The following SBNO1 variants were observed in gnomAD, a reference collection of about 807,000 sequenced individuals.
SBNO1 encodes the protein protein strawberry notch homolog 1.
A neutral mutation model predicts 173.6 loss-of-function variants in SBNO1; 23 were observed. That is an observed-to-expected ratio of 0.13 (90% CI 0.10 to 0.19). SBNO1 has a LOEUF of 0.19. SBNO1 is among the 10% of genes least tolerant of loss of function. The pLI is 1.00. For synonymous variants in SBNO1, 632 were observed against 571.5 expected (o/e 1.11, Z -1.51); for missense variants, 1,238 against 1,671.2 (o/e 0.74, Z 4.52).
rs1232163383 is a variant in SBNO1, at chr12:123,315,720, G to C, written c.2936-60C>G. ...GTGTTCGCTGGACAGAGAATATTCT[G>C]AGATGTATTCCTAGCATTTAACACT... On this transcript the variant is annotated intron_variant, in intron 21 of 31. Transcript: ENST00000602398. 4.4e-6 allele frequency: 4 copies of C among 915,924 alleles called. No homozygotes were observed. In the African/African-American group the frequency reaches 6.5e-5, roughly 15 times the overall value. The allele number at this position is 915,924 out of a possible 1,614,324, so 56.7% of individuals were successfully genotyped here.
In SBNO1 at chr12:123,295,856, G is replaced by T; in HGVS notation, c.*52C>A. 3 of 1,582,792 alleles carry T rather than the reference G, an allele frequency of 1.9e-6. No individual in the cohort carries two copies. The highest frequency in any genetic ancestry group is 1.1e-5 in the South Asian group (1 of 87,354). ...AACTGTCCCTGATTTTTATGCAAAT[G>T]ATATGCTTCAACAGCATTTCAGATC... On this transcript the variant is annotated 3_prime_UTR_variant, in exon 32 of 32. Coordinates refer to ENST00000602398, the MANE Select transcript of SBNO1 (RefSeq NM_001167856.3).
intron 25 of SBNO1, 139 bp from the exon 26 acceptor site, chr12:123,309,995 A>C: frequency 1.5e-6 from 1 of 657,894 alleles, no homozygotes; most frequent in Non-Finnish European, 2.6e-6. Flanking sequence ...ACAAGGCTGT[A>C]ATCTGCCCAT....
At chr12:123,363,023 C>G (rs1230491241) in intron 1 of SBNO1, among the ~76,000 whole-genome samples, 2 of 152,076 alleles carry the variant, frequency 1.3e-5, no homozygotes, top group Non-Finnish European at 2.9e-5. Flanking sequence ...GGAGTTCAAG[C>G]TGCAGTGAGC....
chr12:123,319,138 A>G lies in SBNO1; in HGVS notation c.2799+762T>C, dbSNP rs1869663796. ...GCCACCACACCCGACCAATTTTTGT[A>G]TTTTTAGTAGAGATGGGGTTTCACC... On this transcript the variant is annotated intron_variant, in intron 20 of 31. Transcript: ENST00000602398. 4.6e-5 allele frequency among the ~76,000 whole-genome samples: 7 copies of G among 151,320 alleles called. 1 individual carries two copies. In the South Asian group the frequency reaches 1.5e-3, roughly 32 times the overall value.
chr12:123,301,094 G>C (rs1159321215), intron 30 of SBNO1, among the ~76,000 whole-genome samples: 1 of 151,206 alleles, frequency 6.6e-6, no homozygotes, highest in Non-Finnish European at 1.5e-5. Flanking sequence ...CGCAACTTTT[G>C]CCTCACAGGC....
chr12:123,317,920 T>C (rs1869478511), intron 20 of SBNO1, among the ~76,000 whole-genome samples: 1 of 152,232 alleles, frequency 6.6e-6, no homozygotes, highest in South Asian at 2.1e-4. Flanking sequence ...AAATAACTAA[T>C]ACCTGTACCT....
At chr12:123,358,696 T>G (rs1447522733) in intron 1 of SBNO1, among the ~76,000 whole-genome samples, 1 of 121,966 alleles carries the variant, frequency 8.2e-6, no homozygotes, top group Non-Finnish European at 1.6e-5. Flanking sequence ...TGAGCCAAGA[T>G]CGCGCCACTG....
At chr12:123,354,658 C>T (rs1874233194) in intron 1 of SBNO1, among the ~76,000 whole-genome samples, 1 of 152,180 alleles carries the variant, frequency 6.6e-6, no homozygotes, top group South Asian at 2.1e-4. Flanking sequence ...ATCTCCTCCT[C>T]ATTTTACAAA....
At position 123,313,673 on chromosome 12, in the gene SBNO1, A is replaced by G. The variant is rs1868907143; in HGVS notation, c.3167T>C (p.Leu1056Ser). The G allele has an allele frequency of 3.1e-6, 5 of 1,610,882 alleles. No individual in the cohort carries two copies. Among genetic ancestry groups the G allele is most frequent in the Non-Finnish European group, 4.2e-6 (5 of 1,177,502 alleles). The stretch of plus-strand genomic sequence containing the variant: ...AGGTGGTGATACCATAGGAGAATCC[A>G]AGTTTACAATGGATTTCATGACAAT... ...LEIVMKSIVN[L>S]DSPMVSPPPD... Residue 1056 changes from leucine (L) to serine (S), a missense_variant, in exon 24 of 32, where the codon TTG becomes TCG. Physicochemically the swap from Leu to Ser is moderately radical, Grantham distance 145. Around this residue, in one of 14 missense-constraint regions of SBNO1, gnomAD observed 351 missense variants for 420.3 expected, o/e 0.84. Coordinates refer to ENST00000602398, the MANE Select transcript of SBNO1 (RefSeq NM_001167856.3).
At chr12:123,357,380 T>C (rs902931280) in intron 1 of SBNO1, among the ~76,000 whole-genome samples, 8 of 146,134 alleles carry the variant, frequency 5.5e-5, no homozygotes, top group African/African-American at 2.1e-4. Context: ...ACCCAGGGGG[T>C]GAAGGTTGCA....
chr12:123,359,275 C>T (rs1344673152), intron 1 of SBNO1, among the ~76,000 whole-genome samples: 3 of 144,904 alleles, frequency 2.1e-5, no homozygotes, highest in African/African-American at 5.0e-5. Context: ...AGGCTGAGTG[C>T]GGTGGCTCAC....
chr12:123,359,385 A>G (rs1425888539), intron 1 of SBNO1, among the ~76,000 whole-genome samples: 1 of 151,622 alleles, frequency 6.6e-6, no homozygotes, highest in Non-Finnish European at 1.5e-5. Flanking sequence ...ACATATACAT[A>G]TATGTCTCTA....
intron 19 of SBNO1, 134 bp downstream of exon 19, chr12:123,320,298 G>A: frequency 1.1e-6 from 1 of 905,290 alleles, no homozygotes; most frequent in Non-Finnish European, 1.7e-6. Flanking sequence ...TTGGATGTAG[G>A]ATGGCAACTA....
At chr12:123,323,915 C>T (rs1870298428) in intron 15 of SBNO1, 84 bp from the exon 16 acceptor site, 1 of 1,067,432 alleles carries the variant, frequency 9.4e-7, no homozygotes, top group South Asian at 2.1e-5. Flanking sequence ...TTGAAATATA[C>T]TTTGTTCAGT....
At chr12:123,298,911 G>A (rs1211155903) in intron 30 of SBNO1, among the ~76,000 whole-genome samples, 1 of 152,070 alleles carries the variant, frequency 6.6e-6, no homozygotes, top group African/African-American at 2.4e-5. Context: ...GCAACATGGC[G>A]AGGCTCTATC....
intron 1 of SBNO1, among the ~76,000 whole-genome samples, chr12:123,362,435 CAAAAAAAAAAAAAAAAAAAAAAAA>C (rs56019572): frequency 1.8e-4 from 9 of 49,738 alleles, no homozygotes; most frequent in African/African-American, 6.4e-4. Context: ...GACTCCGTCT[CAAAAAAAAAAAAAAAAAAAAAAAA>C]AAAAAAAAAG....
intron 13 of SBNO1, among the ~76,000 whole-genome samples, chr12:123,327,137 G>T (rs78463922): frequency 0.054 from 8,229 of 152,084 alleles, 728 homozygotes; most frequent in African/African-American, 0.19. Flanking sequence ...TCCCCAAGTA[G>T]CTGGCACTAC....
intron 1 of SBNO1, among the ~76,000 whole-genome samples, chr12:123,361,456 G>C (rs1875158609): frequency 6.6e-6 from 1 of 151,864 alleles, no homozygotes; most frequent in Non-Finnish European, 1.5e-5. Flanking sequence ...GCTGAGGCAG[G>C]AAAATGACTT....
intron 29 of SBNO1, among the ~76,000 whole-genome samples, chr12:123,303,581 G>A (rs2048845083): frequency 6.6e-6 from 1 of 152,280 alleles, no homozygotes. Flanking sequence ...CCCGGGAGGC[G>A]GAGGTTACAG....
Sources: allele counts gnomAD v4.1 joint callset (sites outside exome capture counted in the v4.1 genomes callset), GRCh38; gene constraint gnomAD v4.1.1; regional missense constraint gnomAD v4.1.1; transcripts MANE v1.5; gene names NCBI Gene and HGNC (gene_info 2026-07-23, HGNC 2026-07-21).